The following MAP3K4 variants were observed in gnomAD, a reference collection of about 807,000 sequenced individuals.
The protein encoded by MAP3K4 is mitogen-activated protein kinase kinase kinase 4, also known as MAP three kinase 1.
MAP3K4 carries 67 observed loss-of-function variants against 185.6 expected under a neutral mutation model. That is an observed-to-expected ratio of 0.36 (90% CI 0.30 to 0.44). The LOEUF is 0.44. Among genes scored for constraint, MAP3K4 ranks in the 20% least tolerant of loss-of-function variants. The probability of loss-of-function intolerance (pLI) is 1.00; values close to 1 mark genes in which losing one functional copy is unlikely to be tolerated. For synonymous variants in MAP3K4, 702 were observed against 710.4 expected (o/e 0.99, Z 0.19); for missense variants, 1,551 against 1,995.1 (o/e 0.78, Z 4.24).
At chr6:161,058,067 C>T (rs569829858) in intron 3 of MAP3K4, among the ~76,000 whole-genome samples, 81 of 152,286 alleles carry the variant, frequency 5.3e-4, no homozygotes, top group African/African-American at 1.9e-3. Context: ...CATGCCGGGG[C>T]AAGGAAGAGG....
intron 1 of MAP3K4, among the ~76,000 whole-genome samples, chr6:161,020,474 A>G (rs1359508924): frequency 6.6e-6 from 1 of 152,138 alleles, no homozygotes; most frequent in Non-Finnish European, 1.5e-5. Flanking sequence ...CCTGGCCAAC[A>G]TGGTGAAACT....
At chr6:161,062,591 T>A (rs974370743) in intron 3 of MAP3K4, among the ~76,000 whole-genome samples, 1 of 152,238 alleles carries the variant, frequency 6.6e-6, no homozygotes, top group Non-Finnish European at 1.5e-5. Context: ...TCTAACAGTT[T>A]GCAACATTTA....
At chr6:161,013,297 T>C (rs2115085769) in intron 1 of MAP3K4, among the ~76,000 whole-genome samples, 1 of 152,338 alleles carries the variant, frequency 6.6e-6, no homozygotes, top group Admixed American at 6.5e-5. Context: ...TTTCATTTTG[T>C]TTGCTCGTTT....
In MAP3K4 at chr6:161,047,132, A is replaced by G. The variant is rs1362317655; in HGVS notation, c.344-1484A>G. On this transcript the variant is annotated intron_variant, in intron 2 of 26. Coordinates refer to ENST00000392142, the MANE Select transcript of MAP3K4 (RefSeq NM_005922.4). The stretch of plus-strand genomic sequence containing the variant: ...TTCACTTATGCATATATATATATAT[A>G]TATATATATATATGTTTAAAAAAAT... Among the ~76,000 whole-genome samples the G allele has an allele frequency of 2.1e-5, 3 of 146,282 alleles. 1 individual carries two copies. The highest frequency in any genetic ancestry group is 4.5e-5 in the Non-Finnish European group (3 of 66,902).
chr6:161,041,664 T>A (rs550506938), intron 2 of MAP3K4, among the ~76,000 whole-genome samples: 1 of 152,268 alleles, frequency 6.6e-6, no homozygotes, highest in South Asian at 2.1e-4. Flanking sequence ...CCAGGTGCAC[T>A]TGGGCCTCAA....
chr6:161,038,268 A>G (rs1562497173), intron 2 of MAP3K4, among the ~76,000 whole-genome samples: 3 of 152,218 alleles, frequency 2.0e-5, no homozygotes, highest in Non-Finnish European at 2.9e-5. Flanking sequence ...AGGAGGCAGT[A>G]TTGAGAAGAC....
chr6:161,079,842 C>G (rs7753585), intron 5 of MAP3K4, among the ~76,000 whole-genome samples: 147,286 of 152,326 alleles, frequency 0.97, 71,244 homozygotes, highest in East Asian at 1. Context: ...CAGCAGAAGA[C>G]AGTTGTCTTG....
chr6:161,028,002 T>C (rs1418329706), intron 1 of MAP3K4, among the ~76,000 whole-genome samples: 1 of 152,198 alleles, frequency 6.6e-6, no homozygotes, highest in African/African-American at 2.4e-5. Flanking sequence ...CCTTACCTGG[T>C]GGCTAGCTTT....
At chr6:161,036,658 G>A (rs920388904) in intron 2 of MAP3K4, among the ~76,000 whole-genome samples, 7 of 152,106 alleles carry the variant, frequency 4.6e-5, no homozygotes, top group African/African-American at 1.7e-4. Flanking sequence ...GTTATCATTA[G>A]CAATTACTGG....
Position 161,049,276 on chromosome 6 carries a change from T to C in MAP3K4, c.1004T>C (p.Val335Ala). 6.2e-7 allele frequency: 1 copy of C among 1,614,138 alleles called. No homozygotes were observed. The highest frequency in any genetic ancestry group is 2.2e-5 in the East Asian group (1 of 44,876). Residue 335 changes from valine (V) to alanine (A), a missense_variant, in exon 3 of 27, where the codon GTA becomes GCA. Val to Ala is a moderately conservative substitution (Grantham distance 64). This residue lies in a region of MAP3K4 where 93 missense variants were observed against 96.7 expected (regional missense o/e 0.96). Coordinates refer to ENST00000392142, the MANE Select transcript of MAP3K4 (RefSeq NM_005922.4). This position sits in a 1 kb window ranked among gnomAD's most constrained non-coding sequence, Gnocchi z 8.4. ...AAAGCCACTCCTGGAACAAAGATTGTAGGTTACTCAACACATCATGAGCAT... is the reference window on the plus strand; with the variant it reads ...AAAGCCACTCCTGGAACAAAGATTGCAGGTTACTCAACACATCATGAGCAT... ...QCKATPGTKI[V>A]GYSTHHEHLQ...
intron 1 of MAP3K4, among the ~76,000 whole-genome samples, chr6:161,028,529 A>G (rs984998000): frequency 6.6e-6 from 1 of 152,230 alleles, no homozygotes; most frequent in Admixed American, 6.5e-5. Context: ...TCAATCAGCA[A>G]GTAGTTTTGA....
rs775825154 is a variant in MAP3K4 at position 161,048,590 on chromosome 6, G to A, written c.344-26G>A. On this transcript the variant is annotated intron_variant, in intron 2 of 26. Coordinates refer to ENST00000392142, the MANE Select transcript of MAP3K4 (RefSeq NM_005922.4). This position sits in a 1 kb window ranked among gnomAD's most constrained non-coding sequence, Gnocchi z 4.7. ...GCTTCATATTTTAGAGTTATATAAT[G>A]TTCTGTTTATTTTTTTTTTTAATAG... is the stretch of plus-strand genomic sequence containing the variant. 1.3e-5 allele frequency: 19 copies of A among 1,421,370 alleles called. No individual in the cohort carries two copies. The highest frequency in any genetic ancestry group is 1.7e-5 in the Non-Finnish European group (18 of 1,047,464). The allele number at this position is 1,421,370 out of a possible 1,614,324, so 88.0% of individuals were successfully genotyped here.
Position 161,087,315 on chromosome 6 carries a change from C to A in MAP3K4, c.2557-373C>A, listed in dbSNP as rs534613557. On this transcript the variant is annotated intron_variant, in intron 9 of 26. Coordinates refer to ENST00000392142, the MANE Select transcript of MAP3K4 (RefSeq NM_005922.4). The surrounding 1 kb of genome is among the most constrained non-coding windows in gnomAD (Gnocchi z 4.9). ...GGAATAATTAGAGAATCTGTATTAACAATTTTTGCCTTTTTCCCAAGCCAG... is the reference window on the plus strand; with the variant it reads ...GGAATAATTAGAGAATCTGTATTAAAAATTTTTGCCTTTTTCCCAAGCCAG... Among the ~76,000 whole-genome samples the A allele has an allele frequency of 9.2e-5, 14 of 152,328 alleles. No individual in the cohort carries two copies. The highest frequency in any genetic ancestry group is 3.4e-4 in the African/African-American group (14 of 41,574).
intron 6 of MAP3K4, 48 bp downstream of exon 6, chr6:161,081,086 TCA>T (rs774905417): frequency 6.3e-7 from 1 of 1,580,744 alleles, no homozygotes; most frequent in African/African-American, 1.4e-5. Context: ...CTTCTCACTC[TCA>T]CACCATTTAC....
intron 1 of MAP3K4, among the ~76,000 whole-genome samples, chr6:161,033,741 T>G (rs1216558297): frequency 6.6e-6 from 1 of 152,220 alleles, no homozygotes; most frequent in Non-Finnish European, 1.5e-5. Context: ...TACTTCGTGC[T>G]TTGCTGTGTG....
intron 1 of MAP3K4, among the ~76,000 whole-genome samples, chr6:161,002,660 T>G (rs1781381479): frequency 6.7e-6 from 1 of 150,176 alleles, no homozygotes; most frequent in Non-Finnish European, 1.5e-5. Context: ...GGTGCAGTCT[T>G]GGGTCACTGC....
rs34733206 is a variant in MAP3K4, at chr6:161,002,589, C to CTTTTTTTT, written c.152+10519_152+10526dup. Among the ~76,000 whole-genome samples the CTTTTTTTT allele has an allele frequency of 7.5e-5, 8 of 106,476 alleles. 1 individual carries two copies. Among genetic ancestry groups the CTTTTTTTT allele is most frequent in the African/African-American group, 1.8e-4 (5 of 27,298 alleles). The allele number at this position is 106,476 out of a possible 152,430, so 69.9% of individuals were successfully genotyped here. ...TTCTGCCATCTAAAAATAGTTTTGGCTTTTTTTTTTTTTTTTTTTTGAGAT... is the reference window on the plus strand; with the variant it reads ...TTCTGCCATCTAAAAATAGTTTTGGCTTTTTTTTTTTTTTTTTTTTTTTTTTTTGAGAT... On this transcript the variant is annotated intron_variant, in intron 1 of 26. Transcript: ENST00000392142.
Position 161,008,066 on chromosome 6 carries a change from A to C in MAP3K4, c.152+15983A>C, listed in dbSNP as rs906451387. Among the ~76,000 whole-genome samples the C allele has an allele frequency of 6.6e-6, 1 of 152,232 alleles. No homozygotes were observed. The highest frequency in any genetic ancestry group is 1.5e-5 in the Non-Finnish European group (1 of 68,038). ...GGTAAACCCATAAAGAGTAGAAAGA[A>C]GGTAGAAAGGCAGAAAGTGGGATAG... On this transcript the variant is annotated intron_variant, in intron 1 of 26. Coordinates refer to ENST00000392142, the MANE Select transcript of MAP3K4 (RefSeq NM_005922.4). This position sits in a 1 kb window ranked among gnomAD's most constrained non-coding sequence, Gnocchi z 4.1.
At chr6:161,021,299 G>A (rs1367865069) in intron 1 of MAP3K4, among the ~76,000 whole-genome samples, 1 of 152,138 alleles carries the variant, frequency 6.6e-6, no homozygotes, top group Non-Finnish European at 1.5e-5. Flanking sequence ...TTGGGGATAA[G>A]ACATAACGTA....
Sources: allele counts gnomAD v4.1 joint callset (sites outside exome capture counted in the v4.1 genomes callset), GRCh38; gene constraint gnomAD v4.1.1; regional missense constraint gnomAD v4.1.1; non-coding constraint Gnocchi (gnomAD v3.1); transcripts MANE v1.5; gene names NCBI Gene and HGNC (gene_info 2026-07-23, HGNC 2026-07-21).